SCUBE2: variants seen among roughly 807,000 people sequenced by gnomAD.
SCUBE2 encodes the protein signal peptide, CUB domain and EGF like domain containing 2.
Under a neutral mutation model 125.9 loss-of-function variants are expected in SCUBE2, and 114 were observed. The ratio of observed to expected loss-of-function variants is 0.91; its 90% CI spans 0.78 to 1.06. SCUBE2 has a LOEUF of 1.06. SCUBE2 is among the 50% of genes least tolerant of loss of function. The probability of loss-of-function intolerance (pLI) is 0.00; values close to 1 mark genes in which losing one functional copy is unlikely to be tolerated. For missense variants in SCUBE2, 1,255 were observed against 1,301.8 expected, an observed-to-expected ratio of 0.96 and a Z score of 0.55; for synonymous variants, 459 against 492.9, an observed-to-expected ratio of 0.93 and a Z score of 0.91.
chr11:9,082,977 G>A (rs1246939724), intron 2 of SCUBE2, among the ~76,000 whole-genome samples: 1 of 116,362 alleles, frequency 8.6e-6, no homozygotes, highest in Non-Finnish European at 2.1e-5. Flanking sequence ...TTACACCTCA[G>A]TAAAGTTGTT....
intron 22 of SCUBE2, among the ~76,000 whole-genome samples, chr11:9,021,504 T>C (rs1310989819): frequency 3.9e-5 from 6 of 152,270 alleles, no homozygotes; most frequent in Admixed American, 2.0e-4. Context: ...CAAGTGTTTA[T>C]TGCTAATTAT....
chr11:9,034,957 A>G (rs1459209882), intron 16 of SCUBE2, among the ~76,000 whole-genome samples: 1 of 152,208 alleles, frequency 6.6e-6, no homozygotes, highest in Non-Finnish European at 1.5e-5. Flanking sequence ...AGATGGTGCC[A>G]CTGCACTCCA....
At chr11:9,059,533 A>G (rs1564828401) in intron 8 of SCUBE2, 108 bp from the exon 9 acceptor site, 2 of 1,340,492 alleles carry the variant, frequency 1.5e-6, no homozygotes, top group African/African-American at 1.5e-5. Flanking sequence ...ATTAAGAAAA[A>G]GACTCACAAA....
At chr11:9,087,151 G>A (rs1199949304) in intron 2 of SCUBE2, among the ~76,000 whole-genome samples, 9 of 152,094 alleles carry the variant, frequency 5.9e-5, no homozygotes, top group Non-Finnish European at 1.3e-4. Flanking sequence ...CTAAATAATA[G>A]ACTTTTAACA....
chr11:9,067,032 T>C (rs557354233), intron 5 of SCUBE2, among the ~76,000 whole-genome samples: 2 of 152,302 alleles, frequency 1.3e-5, no homozygotes, highest in East Asian at 3.9e-4. Flanking sequence ...AACATGGGTT[T>C]AAACAAAGTC....
chr11:9,067,140 G>C (rs1156438926), intron 5 of SCUBE2, among the ~76,000 whole-genome samples: 1 of 152,184 alleles, frequency 6.6e-6, no homozygotes, highest in African/African-American at 2.4e-5. Flanking sequence ...GTTCTATCTA[G>C]AGAAGTTTAC....
intron 16 of SCUBE2, among the ~76,000 whole-genome samples, chr11:9,041,994 C>A (rs1171818905): frequency 1.3e-5 from 2 of 152,044 alleles, no homozygotes; most frequent in African/African-American, 2.4e-5. Context: ...GGCTGCCCAT[C>A]CATTTTAACA....
Position 9,060,515 on chromosome 11 carries a change from G to A in SCUBE2, c.860C>T (p.Ala287Val), listed in dbSNP as rs1189627142. 6.2e-7 allele frequency: 1 copy of A among 1,613,374 alleles called. No homozygotes were observed. Residue 287 changes from alanine to valine, a missense_variant, in exon 8 of 23, where the codon GCT becomes GTT. By Grantham distance (64) the Ala-to-Val change is moderately conservative. Around this residue, in one of 3 missense-constraint regions of SCUBE2, gnomAD observed 378 missense variants for 463.1 expected, o/e 0.82. Coordinates refer to ENST00000649792, the MANE Select transcript of SCUBE2 (RefSeq NM_001367977.2). The part of the protein sequence containing the change: ...VKRRLLMETC[A>V]VNNGGCDRTC... Reference sequence around the variant, plus strand: ...GCGGTCACAGCCTCCATTGTTGACAGCACACGTTTCTGGCAAGGAGGTAAG... The same window carrying A: ...GCGGTCACAGCCTCCATTGTTGACAACACACGTTTCTGGCAAGGAGGTAAG...
chr11:9,067,692 T>C (rs1860378667), intron 5 of SCUBE2, among the ~76,000 whole-genome samples: 1 of 152,142 alleles, frequency 6.6e-6, no homozygotes, highest in South Asian at 2.1e-4. Context: ...TCCTCAAACG[T>C]TAAATATGTT....
chr11:9,079,585 A>G, intron 2 of SCUBE2, 76 bp from the exon 3 acceptor site: 1 of 1,460,700 alleles, frequency 6.8e-7, no homozygotes, highest in Non-Finnish European at 9.3e-7. Flanking sequence ...ACCTCCAGCC[A>G]TTCCACTTCT....
chr11:9,062,414 G>A (rs1859770031), intron 7 of SCUBE2, among the ~76,000 whole-genome samples: 1 of 152,242 alleles, frequency 6.6e-6, no homozygotes, highest in Admixed American at 6.5e-5. Context: ...AAATGGCTAT[G>A]TCACTGCCTC....
chr11:9,089,839 A>G lies in SCUBE2; in HGVS notation c.134-10T>C. On this transcript the variant is annotated splice_polypyrimidine_tract_variant and intron_variant, in intron 1 of 22. Coordinates refer to ENST00000649792, the MANE Select transcript of SCUBE2 (RefSeq NM_001367977.2). ...GCACACTCATCTACATCTGCAAAAG[A>G]GCACAGCTGACACCTGGTACAGGCT... 1 of 1,612,926 alleles carries G rather than the reference A, an allele frequency of 6.2e-7. No homozygotes were observed. Among genetic ancestry groups the G allele is most frequent in the Non-Finnish European group, 8.5e-7 (1 of 1,179,400 alleles).
intron 20 of SCUBE2, chr11:9,026,974 A>T (rs923053546): frequency 1.8e-5 from 4 of 219,218 alleles, no homozygotes; most frequent in Non-Finnish European, 3.7e-5. Flanking sequence ...CTGGACCATG[A>T]ATCAGGATAG....
rs1857975890 is a variant in SCUBE2 at position 9,048,005 on chromosome 11, G to A, written c.1733C>T (p.Thr578Ile). 1.2e-6 allele frequency: 2 copies of A among 1,614,066 alleles called. No individual in the cohort carries two copies. Among genetic ancestry groups the A allele is most frequent in the African/African-American group, 2.7e-5 (2 of 74,926 alleles). ...QVPGAPGRPS[T>I]PKEMFITVEF... Reference sequence around the variant, plus strand: ...AACAGTGATAAACATTTCCTTAGGGGTGCTTGGTCGGCCAGGGGCTCCTGG... The same window carrying A: ...AACAGTGATAAACATTTCCTTAGGGATGCTTGGTCGGCCAGGGGCTCCTGG... The change falls in exon 15 of 23, where the codon ACC becomes ATC. Residue 578 changes from threonine to isoleucine, a missense_variant. Thr to Ile is a moderately conservative substitution (Grantham distance 89, BLOSUM62 -1). Coordinates refer to ENST00000649792, the MANE Select transcript of SCUBE2 (RefSeq NM_001367977.2).
At chr11:9,033,530 G>C in intron 17 of SCUBE2, 96 bp downstream of exon 17, 1 of 1,414,308 alleles carries the variant, frequency 7.1e-7, no homozygotes, top group African/African-American at 1.4e-5. Context: ...GGAAGCCCCG[G>C]GTGAGTGTGC....
chr11:9,052,879 G>C (rs1006346996), intron 12 of SCUBE2, 47 bp from the exon 13 acceptor site: 4 of 1,435,578 alleles, frequency 2.8e-6, no homozygotes, highest in Admixed American at 3.9e-5. Context: ...AAGGTCACAG[G>C]CTATCCTGGT....
At chr11:9,077,400 T>C (rs1369193391) in intron 3 of SCUBE2, among the ~76,000 whole-genome samples, 2 of 152,196 alleles carry the variant, frequency 1.3e-5, no homozygotes, top group African/African-American at 4.8e-5. Flanking sequence ...GTGAGCTGTA[T>C]AGAAGAGCTG....
At chr11:9,056,650 C>T (rs985137432) in intron 9 of SCUBE2, among the ~76,000 whole-genome samples, 5 of 152,152 alleles carry the variant, frequency 3.3e-5, no homozygotes, top group Admixed American at 2.0e-4. Context: ...GCACAGCAGC[C>T]TCAGGAGGCT....
Position 9,021,000 on chromosome 11 carries a change from C to G in SCUBE2, c.*45G>C. ...CAGAAGGAAGACAGCTCTGTCCCAC[C>G]AACCCTATAGCAGAACATTTGTATT... is the stretch of plus-strand genomic sequence containing the variant. On this transcript the variant is annotated 3_prime_UTR_variant, in exon 23 of 23. Coordinates refer to ENST00000649792, the MANE Select transcript of SCUBE2 (RefSeq NM_001367977.2). 1 of 1,570,920 alleles carries G rather than the reference C, an allele frequency of 6.4e-7. No individual in the cohort carries two copies. The highest frequency in any genetic ancestry group is 8.7e-7 in the Non-Finnish European group (1 of 1,154,520).
Sources: gnomAD v4.1 joint callset for allele counts (sites outside exome capture counted in the v4.1 genomes callset) on GRCh38, gnomAD v4.1.1 for gene constraint, gnomAD v4.1.1 regional missense constraint, MANE v1.5 for transcripts, NCBI Gene and HGNC (gene_info 2026-07-23, HGNC 2026-07-21) for gene names.